The following CHD8 variants were observed in gnomAD, a reference collection of about 807,000 sequenced individuals.
CHD8 encodes chromodomain helicase DNA binding protein 8, also known as ATP-dependent chromatin remodeler CHD8.
Under a neutral mutation model 279.2 loss-of-function variants are expected in CHD8, and 31 were observed. The observed-to-expected ratio is 0.11, with a 90% CI of 0.08 to 0.15. The LOEUF is 0.15. Ranked by LOEUF, CHD8 falls within the 10% of genes least tolerant of loss-of-function variation. The pLI, the probability that CHD8 is intolerant of heterozygous loss-of-function variation, is 1.00. For synonymous variants in CHD8, 1,081 were observed against 1,139.6 expected, an observed-to-expected ratio of 0.95 and a Z score of 1.04; for missense variants, 2,146 against 3,230.5, an observed-to-expected ratio of 0.66 and a Z score of 8.14.
At chr14:21,444,962 C>T (rs1313899466) in intron 1 of CHD8, among the ~76,000 whole-genome samples, 1 of 152,162 alleles carries the variant, frequency 6.6e-6, no homozygotes, top group Admixed American at 6.6e-5. Flanking sequence ...GGTAGACTCT[C>T]CAGTTCCCCC....
At chr14:21,419,831 C>G in intron 5 of CHD8, 1 of 376,628 alleles carries the variant, frequency 2.7e-6, no homozygotes, top group Non-Finnish European at 5.4e-6. Context: ...GGGATCTGCC[C>G]ACCATTCCTG....
intron 1 of CHD8, among the ~76,000 whole-genome samples, chr14:21,439,800 CA>C (rs917401309): frequency 1.3e-5 from 2 of 151,940 alleles, no homozygotes; most frequent in Non-Finnish European, 2.9e-5. Flanking sequence ...ACTTGCTAGC[CA>C]AAAAAAGACA....
chr14:21,406,037 C>T (rs928533113), intron 14 of CHD8, among the ~76,000 whole-genome samples, 173 bp from the exon 15 acceptor site: 16 of 152,040 alleles, frequency 1.1e-4, no homozygotes, highest in South Asian at 4.1e-4. Flanking sequence ...TCCCCTCTTT[C>T]GATAAACACA....
Position 21,405,452 on chromosome 14 carries a change from G to C in CHD8, c.3064C>G (p.Gln1022Glu), listed in dbSNP as rs1555315281. Reference sequence around the variant, plus strand: ...AGCATCATTGGCTTAAGAATGGCCTGTAGCTTTTGAACCTGTGGTCCATTA... The same window carrying C: ...AGCATCATTGGCTTAAGAATGGCCTCTAGCTTTTGAACCTGTGGTCCATTA... Reference protein sequence around the residue: ...LKTEEQVQKLQAILKPMMLRR... With the variant: ...LKTEEQVQKLEAILKPMMLRR... Residue 1022 changes from glutamine to glutamate, a missense_variant, in exon 16 of 38, where the codon CAG becomes GAG. Gln to Glu is a conservative substitution (Grantham distance 29). Transcript: ENST00000646647. This position sits in a 1 kb window ranked among gnomAD's most constrained non-coding sequence, Gnocchi z 4.2. 6.2e-7 allele frequency: 1 copy of C among 1,601,960 alleles called. No individual in the cohort carries two copies. The highest frequency in any genetic ancestry group is 8.5e-7 in the Non-Finnish European group (1 of 1,173,704).
At chr14:21,446,664 T>C (rs542515018) in intron 1 of CHD8, among the ~76,000 whole-genome samples, 3 of 152,364 alleles carry the variant, frequency 2.0e-5, no homozygotes, top group African/African-American at 7.2e-5. Context: ...ATTTCACAGA[T>C]GTGGAAACTG....
At chr14:21,439,973 C>T (rs993798676) in intron 1 of CHD8, among the ~76,000 whole-genome samples, 1 of 152,158 alleles carries the variant, frequency 6.6e-6, no homozygotes, top group Non-Finnish European at 1.5e-5. Context: ...GAGTATGTAA[C>T]ATGCCAAGTA....
At chr14:21,394,710 A>C in intron 30 of CHD8, 1 of 644,358 alleles carries the variant, frequency 1.6e-6, no homozygotes. Flanking sequence ...ATATCAATGA[A>C]AATGTCTACA....
chr14:21,449,450 G>A (rs185105045), intron 1 of CHD8, among the ~76,000 whole-genome samples: 1 of 152,288 alleles, frequency 6.6e-6, no homozygotes, highest in East Asian at 1.9e-4. Flanking sequence ...TTCTCTCAAA[G>A]CAAAATTACT....
chr14:21,445,089 G>A (rs560680522), intron 1 of CHD8, among the ~76,000 whole-genome samples: 1 of 152,102 alleles, frequency 6.6e-6, no homozygotes, highest in Non-Finnish European at 1.5e-5. Context: ...CCCGTACCCA[G>A]TATTTTAAAT....
At chr14:21,388,823 A>AT (rs1887397514) in intron 37 of CHD8, among the ~76,000 whole-genome samples, 1 of 152,120 alleles carries the variant, frequency 6.6e-6, no homozygotes, top group African/African-American at 2.4e-5. Flanking sequence ...GCATCCATGG[A>AT]TTTTGGTATC....
At chr14:21,420,781 A>C (rs1445493767) in intron 5 of CHD8, among the ~76,000 whole-genome samples, 4 of 149,220 alleles carry the variant, frequency 2.7e-5, no homozygotes, top group African/African-American at 7.4e-5. Context: ...TTTTTTTTTG[A>C]AACGGAGTTT....
intron 4 of CHD8, 30 bp downstream of exon 4, chr14:21,427,839 C>T (rs762738003): frequency 2.9e-5 from 47 of 1,604,868 alleles, no homozygotes; most frequent in East Asian, 8.9e-5. Context: ...TACTCTTGCA[C>T]GTCCCATCAC....
At position 21,392,632 on chromosome 14, in the gene CHD8, G is replaced by T. The variant is rs1167519905; in HGVS notation, c.6646C>A (p.Pro2216Thr). ...GEYGDSPVPT[P>T]RSSSAASMAE... Reference sequence around the variant, plus strand: ...ATGGAAGCTGCACTACTACTTCGTGGTGTGGGGACTGGAGAGTCACCATAT... The same window carrying T: ...ATGGAAGCTGCACTACTACTTCGTGTTGTGGGGACTGGAGAGTCACCATAT... Residue 2216 changes from proline (P) to threonine (T), a missense_variant, in exon 34 of 38, where the codon CCA becomes ACA. By Grantham distance (38) the Pro-to-Thr change is conservative. Transcript: ENST00000646647. 1.2e-6 allele frequency: 2 copies of T among 1,614,000 alleles called. No individual in the cohort carries two copies. Among genetic ancestry groups the T allele is most frequent in the East Asian group, 2.2e-5 (1 of 44,880 alleles).
Position 21,403,229 on chromosome 14 carries a change from GA to G in CHD8, c.3519-18del. The G allele has an allele frequency of 3.1e-6, 5 of 1,604,818 alleles. No individual in the cohort carries two copies. Among genetic ancestry groups the G allele is most frequent in the East Asian group, 2.2e-5 (1 of 44,790 alleles). ...TATAAGTACCTGTATGGGAATCGCA[GA>G]AAAAAAATGTAAGTGGCTAAGCAGA... On this transcript the variant is annotated intron_variant, in intron 17 of 37. Transcript: ENST00000646647. The surrounding 1 kb of genome is among the most constrained non-coding windows in gnomAD (Gnocchi z 4.3).
intron 27 of CHD8, 200 bp downstream of exon 27, chr14:21,397,623 T>C (rs1232336702): frequency 5.5e-6 from 3 of 543,020 alleles, no homozygotes; most frequent in Admixed American, 3.1e-5. Flanking sequence ...ACAAGTGACA[T>C]TCATTTTCAC....
chr14:21,451,246 C>T (rs1013643327), intron 1 of CHD8, among the ~76,000 whole-genome samples: 1 of 152,000 alleles, frequency 6.6e-6, no homozygotes, highest in Non-Finnish European at 1.5e-5. Flanking sequence ...AAATATATTC[C>T]TGGATCTTTC....
At position 21,432,951 on chromosome 14, in the gene CHD8, G is replaced by T. The variant is rs546333356; in HGVS notation, c.-215-1093C>A. ...AGTTGCCCACTTCTCAAGATGCCTG[G>T]AAAACTGCCATACTAAATATATAAA... On this transcript the variant is annotated intron_variant, in intron 1 of 37. Coordinates refer to ENST00000646647, the MANE Select transcript of CHD8 (RefSeq NM_001170629.2). 3.0e-3 allele frequency among the ~76,000 whole-genome samples: 451 copies of T among 152,152 alleles called. 5 individuals are homozygous for T. The highest frequency in any genetic ancestry group is 8.5e-3 in the African/African-American group (354 of 41,506).
At position 21,401,049 on chromosome 14, in the gene CHD8, G is replaced by C. The variant is rs771856418; in HGVS notation, c.4196C>G (p.Pro1399Arg). 6.2e-7 allele frequency: 1 copy of C among 1,609,856 alleles called. No homozygotes were observed. The highest frequency in any genetic ancestry group is 1.1e-5 in the South Asian group (1 of 90,456). The change falls in exon 22 of 38, where the codon CCT (proline) becomes CGT (arginine). Residue 1399 changes from proline (P) to arginine (R), a missense_variant. By Grantham distance (103) the Pro-to-Arg change is moderately radical (BLOSUM62 -2). Coordinates refer to ENST00000646647, the MANE Select transcript of CHD8 (RefSeq NM_001170629.2). Reference sequence around the variant, plus strand: ...GTGGCGCGTTTGTTTTCGTACTCTAGGTGTGTCAATTACCAAATTATTCTA... The same window carrying C: ...GTGGCGCGTTTGTTTTCGTACTCTACGTGTGTCAATTACCAAATTATTCTA... ...NSKNNLVIDTPRVRKQTRHFS... is the reference protein window; with the variant it reads ...NSKNNLVIDTRRVRKQTRHFS...
chr14:21,422,740 CA>C (rs1298695866), intron 5 of CHD8, among the ~76,000 whole-genome samples: 3 of 152,112 alleles, frequency 2.0e-5, no homozygotes, highest in Admixed American at 6.6e-5. Context: ...CCAGCCTGAC[CA>C]ACACGGCGAA....
Sources: allele counts gnomAD v4.1 joint callset (sites outside exome capture counted in the v4.1 genomes callset), GRCh38; gene constraint gnomAD v4.1.1; non-coding constraint Gnocchi (gnomAD v3.1); transcripts MANE v1.5; gene names NCBI Gene and HGNC (gene_info 2026-07-23, HGNC 2026-07-21).